The following IL1RN variants were observed in gnomAD, a reference collection of about 807,000 sequenced individuals.
IL1RN encodes the protein interleukin-1 receptor antagonist protein.
In IL1RN, 10 loss-of-function variants were observed where a neutral mutation model predicts 13.7. The ratio of observed to expected loss-of-function variants is 0.73; its 90% confidence interval spans 0.45 to 1.24. IL1RN has a LOEUF of 1.24. Ranked by LOEUF, IL1RN falls within the 50% of genes most tolerant of loss-of-function variation. IL1RN has a pLI of 0.00. For synonymous variants in IL1RN, 102 were observed against 82.7 expected, an observed-to-expected ratio of 1.23 and a Z score of -1.27; for missense variants, 213 against 222.1, an observed-to-expected ratio of 0.96 and a Z score of 0.26.
At chr2:113,118,279 G>T (rs1472883720) in intron 1 of IL1RN, among the ~76,000 whole-genome samples, 3 of 152,232 alleles carry the variant, frequency 2.0e-5, no homozygotes, top group African/African-American at 7.2e-5. Context: ...AGGTGTAACT[G>T]CTGTGACAGA....
chr2:113,125,877 C>T (rs980161334), upstream of IL1RN, among the ~76,000 whole-genome samples: 18 of 152,316 alleles, frequency 1.2e-4, no homozygotes, highest in African/African-American at 3.8e-4. Context: ...TGGCTCACTG[C>T]GACCTCCATC....
At chr2:113,132,322 C>T (rs1020369684) in intron 3 of IL1RN, among the ~76,000 whole-genome samples, 13 of 152,192 alleles carry the variant, frequency 8.5e-5, no homozygotes, top group African/African-American at 3.1e-4. Flanking sequence ...GTGGTGCATG[C>T]CTGTAATCCC....
At chr2:113,129,449 T>G in intron 1 of IL1RN, 127 bp from the exon 2 acceptor site, 3 of 755,406 alleles carry the variant, frequency 4.0e-6, no homozygotes, top group Non-Finnish European at 7.4e-6. Context: ...GTGGGTATAC[T>G]AAAATACTAT....
upstream of IL1RN, chr2:113,127,517 C>T (rs2232352): frequency 7.1e-4 from 1,061 of 1,489,270 alleles, 12 homozygotes; most frequent in African/African-American, 0.013. Flanking sequence ...TTCCGCTTCT[C>T]GCAGTGGGGC....
upstream of IL1RN, among the ~76,000 whole-genome samples, chr2:113,106,610 TTCC>T (rs1179689685): frequency 4.1e-5 from 6 of 147,702 alleles, no homozygotes; most frequent in African/African-American, 1.6e-4. Flanking sequence ...TGGCCTCTCT[TTCC>T]TTTCCTTTTT....
intron 2 of IL1RN, among the ~76,000 whole-genome samples, chr2:113,120,694 T>C (rs986155657): frequency 1.3e-5 from 2 of 152,230 alleles, no homozygotes; most frequent in African/African-American, 4.8e-5. Context: ...GAATCATTTC[T>C]TTCCTTATTA....
At chr2:113,129,979 G>T (rs748769765) in intron 2 of IL1RN, 1 of 385,210 alleles carries the variant, frequency 2.6e-6, no homozygotes, top group African/African-American at 2.1e-5. Flanking sequence ...GCCTATTAAG[G>T]CTCCATGTTC....
intron 1 of IL1RN, among the ~76,000 whole-genome samples, chr2:113,111,480 T>C (rs1686494328): frequency 6.6e-6 from 1 of 152,228 alleles, no homozygotes; most frequent in Non-Finnish European, 1.5e-5. Flanking sequence ...ATAGTTCACA[T>C]AATGGCATGG....
At chr2:113,108,407 C>A (rs1028996573), upstream of IL1RN, among the ~76,000 whole-genome samples, 3 of 151,884 alleles carry the variant, frequency 2.0e-5, no homozygotes, top group African/African-American at 7.3e-5. Context: ...CTATCCGTCC[C>A]CCCTCCCCCA....
At chr2:113,101,804 G>C in the IL1RN span, among the ~76,000 whole-genome samples, 1 of 151,992 alleles carries the variant, frequency 6.6e-6, no homozygotes, top group Non-Finnish European at 1.5e-5. Context: ...TTTCTCTCTT[G>C]TTACCCAGGC....
At chr2:113,104,397 C>T (rs1038515137), upstream of IL1RN, among the ~76,000 whole-genome samples, 1 of 152,082 alleles carries the variant, frequency 6.6e-6, no homozygotes, top group Non-Finnish European at 1.5e-5. Flanking sequence ...ACTGTTGGCC[C>T]AGTGAGGGGA....
At chr2:113,127,585 G>C (rs1157497121), upstream of IL1RN, 5 of 1,610,074 alleles carry the variant, frequency 3.1e-6, no homozygotes, top group Non-Finnish European at 4.2e-6. Context: ...CACAACTCTG[G>C]GCCCGCAATG....
In IL1RN at chr2:113,132,831, G is replaced by C. The variant is rs761256292; in HGVS notation, c.494G>C (p.Gly165Ala). Residue 165 changes from glycine to alanine, a missense_variant, in exon 4 of 4, where the codon GGC becomes GCC. By Grantham distance (60) the Gly-to-Ala change is moderately conservative. Transcript: ENST00000409930. ...PVSLTNMPDE[G>A]VMVTKFYFQE... Reference sequence around the variant, plus strand: ...AGCCTCACCAATATGCCTGACGAAGGCGTCATGGTCACCAAATTCTACTTC... The same window carrying C: ...AGCCTCACCAATATGCCTGACGAAGCCGTCATGGTCACCAAATTCTACTTC... The C allele has an allele frequency of 9.3e-6, 15 of 1,614,246 alleles. No individual in the cohort carries two copies. In the South Asian group the frequency reaches 1.2e-4, roughly 13 times the overall value.
upstream of IL1RN, among the ~76,000 whole-genome samples, chr2:113,105,479 T>A (rs570829137): frequency 1.2e-4 from 18 of 152,334 alleles, no homozygotes; most frequent in Admixed American, 1.2e-3. Context: ...ATATATGTAG[T>A]TACAGGCTTC....
upstream of IL1RN, among the ~76,000 whole-genome samples, chr2:113,102,308 A>G (rs1431940563): frequency 6.6e-6 from 1 of 152,106 alleles, no homozygotes; most frequent in Non-Finnish European, 1.5e-5. Flanking sequence ...ACCTCTTCTT[A>G]TAAGGACACC....
chr2:113,125,443 T>C (rs1686922054), upstream of IL1RN, among the ~76,000 whole-genome samples: 1 of 152,238 alleles, frequency 6.6e-6, no homozygotes, highest in South Asian at 2.1e-4. Flanking sequence ...TCACACTGTT[T>C]ATGAGGACAG....
At chr2:113,101,674 T>C in the IL1RN span, among the ~76,000 whole-genome samples, 1 of 152,226 alleles carries the variant, frequency 6.6e-6, no homozygotes, top group East Asian at 1.9e-4. Context: ...GGCACTGGTC[T>C]AAGGACCAAC....
chr2:113,132,049 G>T (rs1194762395), intron 3 of IL1RN, among the ~76,000 whole-genome samples: 1 of 152,220 alleles, frequency 6.6e-6, no homozygotes, highest in African/African-American at 2.4e-5. Flanking sequence ...TCTGCTGATG[G>T]TGCCGTGTAT....
At chr2:113,118,293 C>T (rs1428485738) in intron 1 of IL1RN, among the ~76,000 whole-genome samples, 1 of 152,168 alleles carries the variant, frequency 6.6e-6, no homozygotes, top group African/African-American at 2.4e-5. Context: ...TGACAGAAGT[C>T]ATGGAGTCCT....
Sources: gnomAD v4.1 joint callset for allele counts (sites outside exome capture counted in the v4.1 genomes callset) on GRCh38, gnomAD v4.1.1 for gene constraint, MANE v1.5 for transcripts, NCBI Gene and HGNC (gene_info 2026-07-23, HGNC 2026-07-21) for gene names.